Variants in AGTPBP1 observed in about 807,000 individuals in gnomAD.
AGTPBP1 encodes the protein cytosolic carboxypeptidase 1.
A neutral mutation model predicts 143.9 loss-of-function variants in AGTPBP1; 70 were observed. That is an observed-to-expected ratio of 0.49 (90% CI 0.40 to 0.59). The LOEUF (loss-of-function observed/expected upper bound fraction) is 0.59. Ranked by LOEUF, AGTPBP1 falls within the 20% of genes least tolerant of loss-of-function variation. The pLI is 0.00. For synonymous variants in AGTPBP1, 463 were observed against 500.2 expected (o/e 0.93, Z 0.99); for missense variants, 1,229 against 1,464.5 (o/e 0.84, Z 2.62).
chr9:85,705,649 A>C (rs892644332), intron 2 of AGTPBP1, among the ~76,000 whole-genome samples: 23 of 152,226 alleles, frequency 1.5e-4, no homozygotes, highest in African/African-American at 4.8e-4. Context: ...CAGTAAGCGT[A>C]TGACAAACAG....
At chr9:85,614,257 G>A (rs1018676415) in intron 17 of AGTPBP1, among the ~76,000 whole-genome samples, 1 of 151,588 alleles carries the variant, frequency 6.6e-6, no homozygotes, top group Non-Finnish European at 1.5e-5. Flanking sequence ...GAAATTCTAG[G>A]TATCAAGAAA....
chr9:85,755,919 G>C, the AGTPBP1 span: 1 of 527,490 alleles, frequency 1.9e-6, no homozygotes, highest in Non-Finnish European at 3.2e-6. Flanking sequence ...AACCACTGAT[G>C]TCTTTAGGAT....
At chr9:85,702,295 T>C (rs932918881) in intron 2 of AGTPBP1, among the ~76,000 whole-genome samples, 1 of 152,240 alleles carries the variant, frequency 6.6e-6, no homozygotes, top group Non-Finnish European at 1.5e-5. Flanking sequence ...CTTACACATC[T>C]AACCTTTTAT....
At chr9:85,582,693 A>G (rs1828348079) in intron 23 of AGTPBP1, among the ~76,000 whole-genome samples, 1 of 151,710 alleles carries the variant, frequency 6.6e-6, no homozygotes, top group Non-Finnish European at 1.5e-5. Flanking sequence ...AAAAAAAGAC[A>G]CTCCATTTAT....
intron 17 of AGTPBP1, among the ~76,000 whole-genome samples, chr9:85,617,933 A>C (rs1438724755): frequency 1.3e-5 from 2 of 152,148 alleles, no homozygotes; most frequent in East Asian, 3.9e-4. Flanking sequence ...AATAGCCCTA[A>C]AACTATTCAA....
chr9:85,580,053 T>C lies in AGTPBP1; in HGVS notation c.3166-957A>G, dbSNP rs542550042. On this transcript the variant is annotated intron_variant, in intron 23 of 25. Coordinates refer to ENST00000357081, the MANE Select transcript of AGTPBP1 (RefSeq NM_001330701.2). Reference sequence around the variant, plus strand: ...GAGTTCGAGACCAGCCTGGCCAACATAGTGAAACACCGTCTTTACTAAAAA... The same window carrying C: ...GAGTTCGAGACCAGCCTGGCCAACACAGTGAAACACCGTCTTTACTAAAAA... Among the ~76,000 whole-genome samples, 11 of 151,766 alleles carry C rather than the reference T, an allele frequency of 7.2e-5. No individual in the cohort carries two copies. The East Asian group carries it at 1.4e-3, about 19-fold the overall frequency.
At chr9:85,675,808 G>A (rs1480108640) in intron 6 of AGTPBP1, among the ~76,000 whole-genome samples, 5 of 152,182 alleles carry the variant, frequency 3.3e-5, no homozygotes, top group Non-Finnish European at 7.3e-5. Context: ...GGCGGATCAT[G>A]AGGTCTGGAG....
chr9:85,660,835 T>C (rs1357094808), intron 9 of AGTPBP1, 101 bp downstream of exon 9: 1 of 944,564 alleles, frequency 1.1e-6, no homozygotes. Flanking sequence ...ATAAACCAGC[T>C]TTATAACTAT....
At chr9:85,571,449 AG>A (rs1827456646) in intron 25 of AGTPBP1, among the ~76,000 whole-genome samples, 1 of 152,270 alleles carries the variant, frequency 6.6e-6, no homozygotes, top group Admixed American at 6.5e-5. Context: ...TGGCAGTAAT[AG>A]ATTAAAACTC....
upstream of AGTPBP1, among the ~76,000 whole-genome samples, chr9:85,743,235 A>T (rs1175665994): frequency 1.3e-5 from 2 of 152,240 alleles, no homozygotes; most frequent in East Asian, 3.8e-4. Flanking sequence ...TTTCTTAAAG[A>T]ACATGTTTCT....
At chr9:85,670,709 C>T (rs1926725) in intron 7 of AGTPBP1, among the ~76,000 whole-genome samples, 2,537 of 152,110 alleles carry the variant, frequency 0.017, 26 homozygotes, top group Middle Eastern at 0.051. Flanking sequence ...AAAAGAAAAT[C>T]GTTTAATAAA....
chr9:85,618,744 C>A (rs2814724), intron 17 of AGTPBP1, among the ~76,000 whole-genome samples: 98,546 of 151,938 alleles, frequency 0.65, 32,926 homozygotes, highest in East Asian at 0.86. Flanking sequence ...CTTTAGTTCC[C>A]TTCAATTTGG....
intron 1 of AGTPBP1, among the ~76,000 whole-genome samples, chr9:85,716,116 C>A (rs1837690029): frequency 6.6e-6 from 1 of 152,190 alleles, no homozygotes; most frequent in South Asian, 2.1e-4. Context: ...CTTTCCCCAC[C>A]CCACTCCACC....
In AGTPBP1 at chr9:85,645,962, C is replaced by T. The variant is rs952405676; in HGVS notation, c.1185+359G>A. On this transcript the variant is annotated intron_variant, in intron 12 of 25. Coordinates refer to ENST00000357081, the MANE Select transcript of AGTPBP1 (RefSeq NM_001330701.2). ...AAATCCATTATAGAATATTTTCCTA[C>T]TGTTTTTGTATCCCCAAAAGACTGC... Among the ~76,000 whole-genome samples, 3 of 152,158 alleles carry T rather than the reference C, an allele frequency of 2.0e-5. No individual in the cohort carries two copies. In the East Asian group the frequency reaches 5.8e-4, roughly 29 times the overall value.
In AGTPBP1 at chr9:85,619,314, T is replaced by A; in HGVS notation, c.2100-13A>T. ...TGGAATGGTGTAACTAAATAAAAGT[T>A]TTAAAGTAAATGTATTAAAATACAT... is the stretch of plus-strand genomic sequence containing the variant. On this transcript the variant is annotated splice_polypyrimidine_tract_variant and intron_variant, in intron 15 of 25. Transcript: ENST00000357081. 6.3e-7 allele frequency: 1 copy of A among 1,581,250 alleles called. No individual in the cohort carries two copies.
chr9:85,748,657 T>C, the AGTPBP1 span, among the ~76,000 whole-genome samples: 1 of 152,362 alleles, frequency 6.6e-6, no homozygotes, highest in Non-Finnish European at 1.5e-5. Flanking sequence ...CATCATTGGC[T>C]CTTGCGTCTT....
upstream of AGTPBP1, chr9:85,742,069 G>C: frequency 1.0e-5 from 12 of 1,145,448 alleles, no homozygotes; most frequent in Middle Eastern, 3.5e-4. Context: ...AAAGGGGCGG[G>C]GCGGAGCGCA....
the AGTPBP1 span, among the ~76,000 whole-genome samples, chr9:85,750,741 G>A: frequency 1.3e-5 from 2 of 152,268 alleles, no homozygotes; most frequent in South Asian, 2.1e-4. Context: ...GGCCCCTGAT[G>A]ATGAAACCCC....
At chr9:85,580,455 C>A (rs981249535) in intron 23 of AGTPBP1, among the ~76,000 whole-genome samples, 37 of 151,208 alleles carry the variant, frequency 2.4e-4, no homozygotes, top group African/African-American at 2.4e-5. Context: ...ACAACCTCTG[C>A]GTCCCGGGTT....
Sources: gnomAD v4.1 joint callset for allele counts (sites outside exome capture counted in the v4.1 genomes callset) on GRCh38, gnomAD v4.1.1 for gene constraint, MANE v1.5 for transcripts, NCBI Gene and HGNC (gene_info 2026-07-23, HGNC 2026-07-21) for gene names.